Variants in CDH18 observed in about 807,000 individuals in gnomAD.
CDH18 encodes cadherin 18.
A neutral mutation model predicts 67.9 loss-of-function variants in CDH18; 31 were observed. That is an observed-to-expected ratio of 0.46 (90% CI 0.34 to 0.62). CDH18 has a LOEUF of 0.62. Among genes scored for constraint, CDH18 ranks in the 20% least tolerant of loss-of-function variants. The probability of loss-of-function intolerance (pLI) is 0.01; values close to 1 mark genes in which losing one functional copy is unlikely to be tolerated. For missense variants in CDH18, 890 were observed against 975.5 expected (o/e 0.91, Z 1.17); for synonymous variants, 362 against 347.2 (o/e 1.04, Z -0.48).
chr5:20,175,070 T>G (rs187525101), intron 2 of CDH18, among the ~76,000 whole-genome samples: 54 of 152,288 alleles, frequency 3.5e-4, no homozygotes, highest in African/African-American at 1.2e-3. Flanking sequence ...ATGGGTTATT[T>G]GCCTAAGAAT....
Position 19,747,251 on chromosome 5 carries a change from T to C in CDH18, c.229-15A>G, listed in dbSNP as rs775862302. 2.1e-5 allele frequency: 33 copies of C among 1,598,080 alleles called. No individual in the cohort carries two copies. Among genetic ancestry groups the C allele is most frequent in the Non-Finnish European group, 2.7e-5 (32 of 1,168,042 alleles). ...TTGGAGTGCAGCTGTGAAATACACATGGAATAATTTAGCATATATTTATAT... is the reference window on the plus strand; with the variant it reads ...TTGGAGTGCAGCTGTGAAATACACACGGAATAATTTAGCATATATTTATAT... On this transcript the variant is annotated splice_polypyrimidine_tract_variant and intron_variant, in intron 3 of 12. Transcript: ENST00000382275.
At chr5:19,654,224 T>C (rs771495193) in intron 5 of CDH18, among the ~76,000 whole-genome samples, 2 of 152,110 alleles carry the variant, frequency 1.3e-5, no homozygotes, top group Non-Finnish European at 2.9e-5. Flanking sequence ...TATTGCATGT[T>C]TGATGGAGTT....
intron 2 of CDH18, among the ~76,000 whole-genome samples, chr5:19,979,800 G>T (rs1318134719): frequency 6.6e-6 from 1 of 152,096 alleles, no homozygotes; most frequent in Non-Finnish European, 1.5e-5. Flanking sequence ...TCTAATAGCA[G>T]ATTCACATTG....
At chr5:20,555,963 C>T (rs1757882785) in intron 1 of CDH18, among the ~76,000 whole-genome samples, 1 of 152,112 alleles carries the variant, frequency 6.6e-6, no homozygotes, top group Non-Finnish European at 1.5e-5. Context: ...TTTGGAAATC[C>T]TGCATAGAGT....
At chr5:19,710,493 T>C (rs1276236799) in intron 5 of CDH18, among the ~76,000 whole-genome samples, 3 of 152,154 alleles carry the variant, frequency 2.0e-5, no homozygotes, top group Non-Finnish European at 4.4e-5. Flanking sequence ...TAATTTACTT[T>C]GTAAACTTGT....
chr5:20,242,634 G>GTATATATATA (rs143436887), intron 2 of CDH18, among the ~76,000 whole-genome samples: 22 of 85,828 alleles, frequency 2.6e-4, no homozygotes, highest in South Asian at 6.9e-4. Context: ...ATATATATAT[G>GTATATATATA]TATATATATA....
chr5:19,993,334 T>G (rs1800085619), intron 2 of CDH18, among the ~76,000 whole-genome samples: 1 of 152,130 alleles, frequency 6.6e-6, no homozygotes, highest in South Asian at 2.1e-4. Context: ...AAATATAAAT[T>G]TAGACATCCT....
intron 5 of CDH18, among the ~76,000 whole-genome samples, chr5:19,657,314 G>A (rs1165226578): frequency 1.3e-5 from 2 of 151,996 alleles, no homozygotes; most frequent in Admixed American, 1.3e-4. Flanking sequence ...CAATTAATCT[G>A]TATTATGTGA....
At position 20,319,451 on chromosome 5, in the gene CDH18, G is replaced by A. The variant is rs865811100; in HGVS notation, c.-579-63946C>T. Among the ~76,000 whole-genome samples the A allele has an allele frequency of 6.6e-4, 101 of 151,912 alleles. 1 individual carries two copies. The highest frequency in any genetic ancestry group is 3.4e-3 in the Middle Eastern group (1 of 294). The stretch of plus-strand genomic sequence containing the variant: ...CTCTTCCATAAGCCTCCCTGTATTC[G>A]TTGCTTCTCTTATAAAACTCCTCTA... On this transcript the variant is annotated intron_variant, in intron 1 of 14. Coordinates refer to the CDH18 transcript ENST00000507958.
At chr5:20,172,244 A>ATATATATATATATATGTGTG (rs1561848904) in intron 2 of CDH18, among the ~76,000 whole-genome samples, 1 of 135,530 alleles carries the variant, frequency 7.4e-6, no homozygotes, top group Non-Finnish European at 1.6e-5. Flanking sequence ...ATATATGTAT[A>ATATATATATATATATGTGTG]TATATATATA....
intron 1 of CDH18, among the ~76,000 whole-genome samples, chr5:20,272,086 T>C (rs1167487587): frequency 2.0e-5 from 3 of 152,028 alleles, no homozygotes; most frequent in African/African-American, 4.8e-5. Context: ...GGATCAAAAA[T>C]AGGATTTGGA....
At chr5:19,936,456 G>A (rs1389318595) in intron 2 of CDH18, among the ~76,000 whole-genome samples, 1 of 151,088 alleles carries the variant, frequency 6.6e-6, no homozygotes, top group Non-Finnish European at 1.5e-5. Context: ...TTTAAACACT[G>A]TATACCATGA....
At chr5:19,637,564 C>T (rs996565538) in intron 5 of CDH18, among the ~76,000 whole-genome samples, 2 of 152,166 alleles carry the variant, frequency 1.3e-5, no homozygotes, top group Non-Finnish European at 2.9e-5. Context: ...ATGTTTGTCT[C>T]TGCATTTCCC....
chr5:19,638,537 CTT>C (rs1451529248), intron 5 of CDH18, among the ~76,000 whole-genome samples: 1 of 131,392 alleles, frequency 7.6e-6, no homozygotes, highest in Non-Finnish European at 1.6e-5. Flanking sequence ...GTGTTTAAGT[CTT>C]TACTAAGTTT....
At position 20,122,743 on chromosome 5, in the gene CDH18, T is replaced by A. The variant is rs374736926; in HGVS notation, c.-517-130729A>T. ...TATATACCAAGTACGAATGTTTGAC[T>A]ATTTTAAAAGCAGATTAAGCCTTGT... On this transcript the variant is annotated intron_variant, in intron 2 of 14. Coordinates refer to the CDH18 transcript ENST00000507958. 6.2e-4 allele frequency among the ~76,000 whole-genome samples: 94 copies of A among 150,758 alleles called. No homozygotes were observed. In the South Asian group the frequency reaches 0.017, roughly 27 times the overall value.
chr5:20,244,940 C>T (rs1249945170), intron 2 of CDH18, among the ~76,000 whole-genome samples: 2 of 152,088 alleles, frequency 1.3e-5, no homozygotes, highest in Admixed American at 1.3e-4. Flanking sequence ...GATTTAATGT[C>T]TGAGTTTAAC....
intron 3 of CDH18, among the ~76,000 whole-genome samples, chr5:19,820,056 A>T (rs1214693976): frequency 2.0e-5 from 3 of 152,124 alleles, no homozygotes. Context: ...GGTTTGAGCA[A>T]AACACCCAGG....
At chr5:20,097,516 C>G (rs1038655455) in intron 2 of CDH18, among the ~76,000 whole-genome samples, 2 of 152,116 alleles carry the variant, frequency 1.3e-5, no homozygotes, top group African/African-American at 2.4e-5. Flanking sequence ...CTGGGTCCTT[C>G]AGACATGTGG....
intron 7 of CDH18, among the ~76,000 whole-genome samples, chr5:19,573,539 A>G (rs548213013): frequency 5.8e-4 from 89 of 152,276 alleles, no homozygotes; most frequent in African/African-American, 1.9e-3. Flanking sequence ...AGGCCTCCCA[A>G]AGTGCTGGGA....
Sources: allele counts gnomAD v4.1 joint callset (sites outside exome capture counted in the v4.1 genomes callset), GRCh38; gene constraint gnomAD v4.1.1; transcripts MANE v1.5; gene names NCBI Gene and HGNC (gene_info 2026-07-23, HGNC 2026-07-21).